SGSM1: variants seen among roughly 807,000 people sequenced by gnomAD.
The protein encoded by SGSM1 is RUN and TBC1 domain containing 2.
In SGSM1, 73 loss-of-function variants were observed where a neutral mutation model predicts 133.8. That is an observed-to-expected ratio of 0.55 (90% CI 0.45 to 0.66). SGSM1 has a LOEUF of 0.66. Among genes scored for constraint, SGSM1 ranks in the 30% least tolerant of loss-of-function variants. SGSM1 has a pLI of 0.00. For synonymous variants in SGSM1, 563 were observed against 573.0 expected (o/e 0.98, Z 0.25); for missense variants, 1,213 against 1,448.1 (o/e 0.84, Z 2.64).
intron 14 of SGSM1, among the ~76,000 whole-genome samples, chr22:24,883,617 G>C (rs1443681944): frequency 6.6e-6 from 1 of 152,166 alleles, no homozygotes; most frequent in Non-Finnish European, 1.5e-5. Context: ...TCCTTGTCTG[G>C]AAAAGGGGAA....
intron 2 of SGSM1, among the ~76,000 whole-genome samples, chr22:24,807,984 G>A (rs999886777): frequency 2.6e-5 from 4 of 151,952 alleles, no homozygotes; most frequent in Non-Finnish European, 2.9e-5. Flanking sequence ...TAGCATTTTC[G>A]AATGAGACAT....
chr22:24,835,415 A>T (rs989327937), intron 2 of SGSM1, among the ~76,000 whole-genome samples: 2 of 152,200 alleles, frequency 1.3e-5, no homozygotes, highest in African/African-American at 4.8e-5. Context: ...ACCAGATGGC[A>T]GGATGAATTC....
At chr22:24,915,774 G>A (rs1261029914) in intron 22 of SGSM1, among the ~76,000 whole-genome samples, 2 of 152,114 alleles carry the variant, frequency 1.3e-5, no homozygotes, top group African/African-American at 2.4e-5. Context: ...CCTGCTGTGC[G>A]ATCAAATAGT....
rs1271090496 is a variant in SGSM1, at chr22:24,855,199, G to T, written c.524-86G>T. On this transcript the variant is annotated intron_variant, in intron 6 of 24. Transcript: ENST00000400358. Reference sequence around the variant, plus strand: ...ACTGTTCTAGCTGGCTGGAGGGGAGGGTAGTGAGATGGGCGGCCATCTGCT... The same window carrying T: ...ACTGTTCTAGCTGGCTGGAGGGGAGTGTAGTGAGATGGGCGGCCATCTGCT... The T allele has an allele frequency of 1.9e-6, 3 of 1,552,316 alleles. No individual in the cohort carries two copies. The African/African-American group carries it at 4.1e-5, about 21-fold the overall frequency.
chr22:24,864,298 G>C (rs1410988728), intron 9 of SGSM1, among the ~76,000 whole-genome samples: 1 of 152,126 alleles, frequency 6.6e-6, no homozygotes, highest in African/African-American at 2.4e-5. Flanking sequence ...TTGTGACCCA[G>C]CAATTCTGCT....
intron 19 of SGSM1, among the ~76,000 whole-genome samples, chr22:24,900,182 G>A (rs1933082294): frequency 6.6e-6 from 1 of 151,716 alleles, no homozygotes; most frequent in Non-Finnish European, 1.5e-5. Flanking sequence ...CACCATGCCT[G>A]GCTAATTTTT....
intron 12 of SGSM1, among the ~76,000 whole-genome samples, 152 bp downstream of exon 12, chr22:24,869,007 T>C (rs532275600): frequency 2.6e-3 from 400 of 152,258 alleles, no homozygotes; most frequent in Non-Finnish European, 4.6e-3. Flanking sequence ...CAGCCTCAGT[T>C]TCCCCCCAAA....
Position 24,884,143 on chromosome 22 carries a change from A to T in SGSM1, c.1586A>T (p.Asp529Val). 6.2e-7 allele frequency: 1 copy of T among 1,613,938 alleles called. No individual in the cohort carries two copies. Among genetic ancestry groups the T allele is most frequent in the Non-Finnish European group, 8.5e-7 (1 of 1,179,880 alleles). The change falls in exon 15 of 25, where the codon GAT becomes GTT. Residue 529 changes from aspartate to valine, a missense_variant. Physicochemically the swap from Asp to Val is radical, Grantham distance 152. Coordinates refer to ENST00000400358, the MANE Select transcript of SGSM1 (RefSeq NM_001098497.3). Reference protein sequence around the residue: ...HMIVSPDLPCDAGQGLTARIW... With the variant: ...HMIVSPDLPCVAGQGLTARIW... ...ATCGTGTCTCCAGACTTGCCCTGCG[A>T]TGCTGGACAGGGACTGACAGCCAGG... is the stretch of plus-strand genomic sequence containing the variant.
In SGSM1 at chr22:24,806,587, G is replaced by T. The variant is rs936084334; in HGVS notation, c.63+103G>T. On this transcript the variant is annotated intron_variant, in intron 2 of 24. Transcript: ENST00000400358. ...GGTGGCCTCTGGCGGCGGGGGGGCG[G>T]CCAGAACAGGTGTGGGGCTCACCTG... is the stretch of plus-strand genomic sequence containing the variant. 5 of 1,367,794 alleles carry T rather than the reference G, an allele frequency of 3.7e-6. No homozygotes were observed. In the East Asian group the frequency reaches 1.2e-4, roughly 33 times the overall value. 84.7% of individuals were successfully genotyped at this position (1,367,794 alleles called of 1,614,324 possible).
chr22:24,850,504 C>A, intron 5 of SGSM1, 72 bp downstream of exon 5: 1 of 1,573,002 alleles, frequency 6.4e-7, no homozygotes, highest in African/African-American at 1.4e-5. Context: ...ATTGCACCCC[C>A]TGGCACAAAG....
chr22:24,863,225 C>T (rs952864058), intron 9 of SGSM1, among the ~76,000 whole-genome samples: 7 of 152,150 alleles, frequency 4.6e-5, no homozygotes, highest in African/African-American at 1.7e-4. Flanking sequence ...GGCACAATCT[C>T]GGCTCACTGC....
At chr22:24,834,548 C>T (rs758960753) in intron 2 of SGSM1, among the ~76,000 whole-genome samples, 15 of 152,060 alleles carry the variant, frequency 9.9e-5, no homozygotes, top group Non-Finnish European at 1.3e-4. Context: ...AAAAGTTTGC[C>T]GGGTACATGG....
chr22:24,887,811 G>A (rs4603887), intron 16 of SGSM1, among the ~76,000 whole-genome samples: 3,409 of 152,208 alleles, frequency 0.022, 61 homozygotes, highest in Middle Eastern at 0.048. Flanking sequence ...ATCATTTTCT[G>A]TGTCCACCAG....
At chr22:24,878,690 C>A (rs1932158383) in intron 13 of SGSM1, among the ~76,000 whole-genome samples, 1 of 152,204 alleles carries the variant, frequency 6.6e-6, no homozygotes, top group Non-Finnish European at 1.5e-5. Flanking sequence ...CTCCTCTCAC[C>A]TCTTTCAGCC....
chr22:24,919,808 G>A lies in SGSM1; in HGVS notation c.3026-18G>A, dbSNP rs1251139680. The A allele has an allele frequency of 1.9e-6, 3 of 1,613,506 alleles. No individual in the cohort carries two copies. Among genetic ancestry groups the A allele is most frequent in the African/African-American group, 1.3e-5 (1 of 74,944 alleles). Reference sequence around the variant, plus strand: ...CCCGTCACCAATTCTCTCCCCATGTGTGTTGGTGTCTTGGCAGAACTCGTC... The same window carrying A: ...CCCGTCACCAATTCTCTCCCCATGTATGTTGGTGTCTTGGCAGAACTCGTC... On this transcript the variant is annotated intron_variant, in intron 23 of 24. Coordinates refer to ENST00000400358, the MANE Select transcript of SGSM1 (RefSeq NM_001098497.3).
At chr22:24,862,116 GT>G (rs1386391557) in intron 9 of SGSM1, among the ~76,000 whole-genome samples, 1 of 151,674 alleles carries the variant, frequency 6.6e-6, no homozygotes, top group African/African-American at 2.4e-5. Flanking sequence ...CACCATGCTA[GT>G]TTTTGTATTT....
At chr22:24,872,802 C>T (rs537326107) in intron 12 of SGSM1, among the ~76,000 whole-genome samples, 1 of 152,160 alleles carries the variant, frequency 6.6e-6, no homozygotes, top group South Asian at 2.1e-4. Context: ...GTCTGTAGTC[C>T]CAGTTACTCG....
rs927513970 is a variant in SGSM1 at position 24,898,883 on chromosome 22, C to G, written c.2610+324C>G. Among the ~76,000 whole-genome samples, 6 of 151,724 alleles carry G rather than the reference C, an allele frequency of 4.0e-5. No individual in the cohort carries two copies. The East Asian group carries it at 1.2e-3, about 29-fold the overall frequency. On this transcript the variant is annotated intron_variant, in intron 19 of 24. Coordinates refer to ENST00000400358, the MANE Select transcript of SGSM1 (RefSeq NM_001098497.3). ...TCTACTAAAAGTACAAAAAATTAGCCGGGCGTGGTGGCAGGCACCTGTAGT... is the reference window on the plus strand; with the variant it reads ...TCTACTAAAAGTACAAAAAATTAGCGGGGCGTGGTGGCAGGCACCTGTAGT...
intron 2 of SGSM1, among the ~76,000 whole-genome samples, chr22:24,827,299 G>A (rs1487540024): frequency 1.3e-5 from 2 of 148,338 alleles, no homozygotes; most frequent in Non-Finnish European, 3.0e-5. Flanking sequence ...ATTGCCCTGG[G>A]TTTCCCTGCC....
Sources: allele counts gnomAD v4.1 joint callset (sites outside exome capture counted in the v4.1 genomes callset), GRCh38; gene constraint gnomAD v4.1.1; transcripts MANE v1.5; gene names NCBI Gene and HGNC (gene_info 2026-07-23, HGNC 2026-07-21).